The following RSU1 variants were observed in gnomAD, a reference collection of about 807,000 sequenced individuals.
RSU1 encodes Ras suppressor protein 1, also known as rsu-1.
A neutral mutation model predicts 31.1 loss-of-function variants in RSU1; 26 were observed. The ratio of observed to expected loss-of-function variants is 0.84; its 90% CI spans 0.61 to 1.16. The LOEUF (loss-of-function observed/expected upper bound fraction) is 1.16, where lower values mean the gene tolerates loss of function less well. Among genes scored for constraint, RSU1 ranks in the 50% most tolerant of loss-of-function variants. RSU1 has a pLI of 0.00. For missense variants in RSU1, 320 were observed against 339.1 expected (o/e 0.94, Z 0.44); for synonymous variants, 164 against 136.3 (o/e 1.20, Z -1.41).
chr10:16,733,291 T>C (rs1338912720), intron 7 of RSU1, among the ~76,000 whole-genome samples: 2 of 129,036 alleles, frequency 1.5e-5, no homozygotes, highest in South Asian at 2.4e-4. Flanking sequence ...AGGAGTTCAA[T>C]ACCAGTCTGG....
chr10:16,699,480 G>A (rs935489137), intron 7 of RSU1, among the ~76,000 whole-genome samples: 2 of 152,180 alleles, frequency 1.3e-5, no homozygotes, highest in African/African-American at 2.4e-5. Context: ...GTCAGCTGTC[G>A]GAGGTAGGTT....
chr10:16,665,567 G>A (rs2131531610), intron 8 of RSU1, among the ~76,000 whole-genome samples: 1 of 152,232 alleles, frequency 6.6e-6, no homozygotes, highest in Non-Finnish European at 1.5e-5. Flanking sequence ...TTCACATCTT[G>A]TCCAGATTTT....
At chr10:16,815,835 G>C (rs977315557) in intron 2 of RSU1, among the ~76,000 whole-genome samples, 1 of 152,132 alleles carries the variant, frequency 6.6e-6, no homozygotes, top group African/African-American at 2.4e-5. Flanking sequence ...AGAAGTAAAA[G>C]GATTTCAGGT....
chr10:16,638,037 C>T (rs929573339), intron 8 of RSU1, among the ~76,000 whole-genome samples: 3 of 152,110 alleles, frequency 2.0e-5, no homozygotes, highest in Non-Finnish European at 4.4e-5. Context: ...CCTGAACATA[C>T]CTTGTCTTTT....
At chr10:16,773,855 C>A (rs1434349728) in intron 3 of RSU1, among the ~76,000 whole-genome samples, 2 of 151,438 alleles carry the variant, frequency 1.3e-5, no homozygotes, top group Non-Finnish European at 2.9e-5. Context: ...AAGCCAAATT[C>A]AGAGAAAGGG....
chr10:16,597,115 A>G (rs1833628667), intron 8 of RSU1, among the ~76,000 whole-genome samples: 1 of 152,204 alleles, frequency 6.6e-6, no homozygotes, highest in South Asian at 2.1e-4. Flanking sequence ...AGTCTTGGCA[A>G]TGATAAGAGG....
intron 8 of RSU1, among the ~76,000 whole-genome samples, chr10:16,680,550 C>T (rs1281071220): frequency 6.6e-6 from 1 of 151,982 alleles, no homozygotes; most frequent in African/African-American, 2.4e-5. Flanking sequence ...AGGAAGTTTA[C>T]AAACATGGCA....
At chr10:16,783,903 C>T (rs1314164412) in intron 2 of RSU1, among the ~76,000 whole-genome samples, 1 of 152,124 alleles carries the variant, frequency 6.6e-6, no homozygotes, top group African/African-American at 2.4e-5. Flanking sequence ...CAAGTTTCTC[C>T]AAATGTCCCA....
At chr10:16,720,099 C>A (rs933964529) in intron 7 of RSU1, among the ~76,000 whole-genome samples, 8 of 152,344 alleles carry the variant, frequency 5.3e-5, no homozygotes, top group Non-Finnish European at 1.0e-4. Context: ...AATCACATGT[C>A]TGAAGGGACA....
chr10:16,683,396 T>A (rs1033805838), intron 8 of RSU1, among the ~76,000 whole-genome samples: 1 of 152,210 alleles, frequency 6.6e-6, no homozygotes, highest in Admixed American at 6.5e-5. Context: ...TATGTGTTTA[T>A]AAGGTTCATG....
intron 8 of RSU1, among the ~76,000 whole-genome samples, chr10:16,639,516 T>C (rs1834403187): frequency 6.6e-6 from 1 of 152,170 alleles, no homozygotes; most frequent in Admixed American, 6.5e-5. Flanking sequence ...GGTTTAAAGG[T>C]AGAAACAAAT....
At chr10:16,695,276 A>G in intron 7 of RSU1, 121 bp from the exon 8 acceptor site, 1 of 913,790 alleles carries the variant, frequency 1.1e-6, no homozygotes, top group East Asian at 2.6e-5. Context: ...CTCTTGGATC[A>G]TTTGATGTCT....
intron 2 of RSU1, among the ~76,000 whole-genome samples, chr10:16,815,801 G>A (rs1344668226): frequency 6.6e-6 from 1 of 152,200 alleles, no homozygotes; most frequent in African/African-American, 2.4e-5. Flanking sequence ...TTTTACACAG[G>A]TGGTGATGTC....
At chr10:16,731,405 G>C (rs1040860348) in intron 7 of RSU1, among the ~76,000 whole-genome samples, 4 of 150,428 alleles carry the variant, frequency 2.7e-5, no homozygotes, top group Non-Finnish European at 4.4e-5. Flanking sequence ...ACTCGAGCCT[G>C]GGCGAAAGAG....
intron 7 of RSU1, among the ~76,000 whole-genome samples, chr10:16,711,051 C>T (rs1331246475): frequency 6.6e-6 from 1 of 152,136 alleles, no homozygotes; most frequent in African/African-American, 2.4e-5. Context: ...GCCACATTTT[C>T]TCTATCCAGG....
intron 2 of RSU1, among the ~76,000 whole-genome samples, chr10:16,804,341 A>T (rs1838221293): frequency 6.6e-6 from 1 of 152,392 alleles, no homozygotes; most frequent in East Asian, 1.9e-4. Context: ...ATGTGGAGCA[A>T]CAGGAAACCT....
chr10:16,688,754 G>A (rs978606046), intron 8 of RSU1, among the ~76,000 whole-genome samples: 1 of 152,048 alleles, frequency 6.6e-6, no homozygotes, highest in African/African-American at 2.4e-5. Context: ...TAATCTCAGC[G>A]CTTTGAAAGG....
At position 16,700,936 on chromosome 10, in the gene RSU1, T is replaced by C. The variant is rs1835779243; in HGVS notation, c.599-5781A>G. ...TACCAAGCTTGCTATCAACCAATTT[T>C]TGAAAAAATACAGTAGAAATCCATA... is the stretch of plus-strand genomic sequence containing the variant. On this transcript the variant is annotated intron_variant, in intron 7 of 8. Coordinates refer to ENST00000345264, the MANE Select transcript of RSU1 (RefSeq NM_012425.4). Among the ~76,000 whole-genome samples the C allele has an allele frequency of 2.0e-5, 3 of 152,184 alleles. No individual in the cohort carries two copies. In the South Asian group the frequency reaches 6.2e-4, roughly 32 times the overall value.
chr10:16,753,069 G>A (rs934846745), intron 5 of RSU1, 69 bp from the exon 6 acceptor site: 17 of 1,203,134 alleles, frequency 1.4e-5, no homozygotes, highest in African/African-American at 7.5e-5. Flanking sequence ...TGATCAATAC[G>A]AGGGAGTCAG....
Sources: allele counts gnomAD v4.1 joint callset (sites outside exome capture counted in the v4.1 genomes callset), GRCh38; gene constraint gnomAD v4.1.1; transcripts MANE v1.5; gene names NCBI Gene and HGNC (gene_info 2026-07-23, HGNC 2026-07-21).